The following MDM2 variants were observed in gnomAD, a reference collection of about 807,000 sequenced individuals.
MDM2 encodes the protein E3 ubiquitin-protein ligase Mdm2.
MDM2 carries 11 observed loss-of-function variants against 64.3 expected under a neutral mutation model. That is an observed-to-expected ratio of 0.17 (90% CI 0.11 to 0.28). MDM2 has a LOEUF of 0.28. Ranked by LOEUF, MDM2 falls within the 10% of genes least tolerant of loss-of-function variation. The pLI is 1.00. For synonymous variants in MDM2, 194 were observed against 192.9 expected (o/e 1.01, Z -0.05); for missense variants, 388 against 577.1 (o/e 0.67, Z 3.36).
In MDM2 at chr12:68,843,800, G is replaced by A. The variant is rs1031031567; in HGVS notation, c.*3951G>A. The A allele has an allele frequency of 9.0e-6, 2 of 221,250 alleles. No homozygotes were observed. Among genetic ancestry groups the A allele is most frequent in the Non-Finnish European group, 1.8e-5 (2 of 110,696 alleles). The allele number at this position is 221,250 out of a possible 1,614,324, so 13.7% of individuals were successfully genotyped here. ...ATTATTTGGAGTTGATAATACTTCA[G>A]CTACAACCAAGCAGAATCTCTTTTT... On this transcript the variant is annotated 3_prime_UTR_variant, in exon 11 of 11. Transcript: ENST00000258149.
At position 68,839,846 on chromosome 12, in the gene MDM2, C is replaced by G. The variant is rs757161769; in HGVS notation, c.1491C>G (p.Pro497=). The change falls in exon 11 of 11, where the codon CCC becomes CCG. Residue 497 remains proline, a synonymous_variant. Transcript: ENST00000258149. The stretch of plus-strand genomic sequence containing the variant: ...AAATGATTGTGCTAACTTATTTCCC[C>G]TAGTTGACCTGTCTATAAGAGAATT... The part of the protein sequence containing the change: ...PIQMIVLTYF[P] The G allele has an allele frequency of 1.2e-6, 2 of 1,613,524 alleles. No individual in the cohort carries two copies. The highest frequency in any genetic ancestry group is 1.1e-5 in the South Asian group (1 of 91,006).
intron 7 of MDM2, chr12:68,824,887 C>A: frequency 2.2e-6 from 1 of 451,094 alleles, no homozygotes; most frequent in Middle Eastern, 6.1e-4. Context: ...TTATAGTTAG[C>A]CAACTCTCTG....
intron 8 of MDM2, among the ~76,000 whole-genome samples, chr12:68,832,745 C>A (rs181241408): frequency 1.3e-3 from 203 of 151,842 alleles, no homozygotes; most frequent in African/African-American, 4.5e-3. Flanking sequence ...TCTCAAACCG[C>A]TGGGCTTATG....
At chr12:68,825,715 G>A (rs1280044338) in intron 7 of MDM2, among the ~76,000 whole-genome samples, 2 of 152,240 alleles carry the variant, frequency 1.3e-5, no homozygotes, top group Non-Finnish European at 2.9e-5. Flanking sequence ...AGTAGACGTA[G>A]TAGACGAGAA....
At chr12:68,816,082 G>C (rs1246523471) in intron 3 of MDM2, among the ~76,000 whole-genome samples, 1 of 152,024 alleles carries the variant, frequency 6.6e-6, no homozygotes, top group African/African-American at 2.4e-5. Flanking sequence ...TTCCTCCTCT[G>C]GTGACCTCAG....
intron 1 of MDM2, 101 bp downstream of exon 1, chr12:68,808,592 G>T: frequency 6.5e-7 from 1 of 1,546,550 alleles, no homozygotes; most frequent in Non-Finnish European, 8.8e-7. Context: ...CCTTTGTGCG[G>T]TTCGTGGCTG....
At chr12:68,849,447 C>T (rs1397789773), downstream of MDM2, 2 of 147,342 alleles carry the variant, frequency 1.4e-5, no homozygotes, top group Non-Finnish European at 3.0e-5. Context: ...GACAGTCTCT[C>T]ACTCCAGGTT....
chr12:68,815,315 A>G (rs192871397), intron 3 of MDM2, among the ~76,000 whole-genome samples: 410 of 152,162 alleles, frequency 2.7e-3, no homozygotes, highest in Non-Finnish European at 3.4e-3. Context: ...ATTGTCTGAT[A>G]TAGTTCTCAG....
rs2136166086 is a variant in MDM2 at position 68,834,734 on chromosome 12, C to A, written c.685-1095C>A. On this transcript the variant is annotated intron_variant, in intron 8 of 10. Transcript: ENST00000258149. ...CCTGGGTGATGGAGCAAGATTCCAT[C>A]TCAAAATAAATAAAATAAGTTAAAT... Among the ~76,000 whole-genome samples, 2 of 152,262 alleles carry A rather than the reference C, an allele frequency of 1.3e-5. 1 individual carries two copies. Among genetic ancestry groups the A allele is most frequent in the South Asian group, 4.1e-4 (2 of 4,828 alleles).
intron 7 of MDM2, among the ~76,000 whole-genome samples, chr12:68,827,367 ATTTC>A (rs1882429669): frequency 6.6e-6 from 1 of 151,878 alleles, no homozygotes; most frequent in Non-Finnish European, 1.5e-5. Flanking sequence ...AGTCATTTGT[ATTTC>A]TTCTGTGACT....
chr12:68,830,281 G>T (rs1439457759), intron 8 of MDM2, among the ~76,000 whole-genome samples: 1 of 152,146 alleles, frequency 6.6e-6, no homozygotes, highest in Non-Finnish European at 1.5e-5. Flanking sequence ...AGTAATCCTA[G>T]TCTTTTACCT....
intron 7 of MDM2, 176 bp downstream of exon 7, chr12:68,824,827 A>AT: frequency 3.4e-6 from 2 of 580,218 alleles, no homozygotes; most frequent in South Asian, 4.3e-5. Flanking sequence ...ATTTAGCAAT[A>AT]TTTTTCTGGC....
chr12:68,847,440 T>C (rs1386795755), downstream of MDM2: 2 of 125,404 alleles, frequency 1.6e-5, no homozygotes, highest in East Asian at 2.1e-4. Context: ...AACATCCTTT[T>C]GTATCTCCTT....
chr12:68,824,059 A>G (rs1272125868), intron 5 of MDM2: 1 of 297,332 alleles, frequency 3.4e-6, no homozygotes, highest in Non-Finnish European at 6.2e-6. Context: ...ATATTTCCTG[A>G]TTCTTTGTTT....
In MDM2 at chr12:68,812,242, A is replaced by G. The variant is rs563076720; in HGVS notation, c.100-1312A>G. ...AGAAAAATTAATAATTCAATTCTAT[A>G]TGTATTTTAAATTTTTCAATTGTTA... is the stretch of plus-strand genomic sequence containing the variant. On this transcript the variant is annotated intron_variant, in intron 2 of 10. Transcript: ENST00000258149. 6.6e-5 allele frequency among the ~76,000 whole-genome samples: 10 copies of G among 152,218 alleles called. No homozygotes were observed. The East Asian group carries it at 1.9e-3, about 29-fold the overall frequency.
rs189659738 is a variant in MDM2, at chr12:68,840,694, T to C, written c.*845T>C. ...CTAATTTTTGTATTTTTAGTAGAGA[T>C]AGGGTTTCACCATGTTGGCCAGGCT... On this transcript the variant is annotated 3_prime_UTR_variant, in exon 11 of 11. Transcript: ENST00000258149. 62 of 164,960 alleles carry C rather than the reference T, an allele frequency of 3.8e-4. No individual in the cohort carries two copies. The highest frequency in any genetic ancestry group is 7.2e-4 in the Admixed American group (11 of 15,196). 10.2% of individuals were successfully genotyped at this position (164,960 alleles called of 1,614,324 possible).
In MDM2 at chr12:68,840,106, GTT is replaced by G; in HGVS notation, c.*267_*268del. The G allele has an allele frequency of 6.0e-6, 2 of 335,742 alleles. No homozygotes were observed. Among genetic ancestry groups the G allele is most frequent in the Non-Finnish European group, 5.3e-6 (1 of 187,952 alleles). 20.8% of individuals were successfully genotyped at this position (335,742 alleles called of 1,614,324 possible). ...CTCTGTCTTAAATGAGAAGTACTTG[GTT>G]TTTTTTTTTCTTAAATATGTATATG... is the stretch of plus-strand genomic sequence containing the variant. On this transcript the variant is annotated 3_prime_UTR_variant, in exon 11 of 11. Transcript: ENST00000258149.
chr12:68,835,266 A>C (rs1454894312), intron 8 of MDM2, among the ~76,000 whole-genome samples: 1 of 152,236 alleles, frequency 6.6e-6, no homozygotes, highest in African/African-American at 2.4e-5. Context: ...TAAAGGTGGA[A>C]GAGCCTTTTC....
chr12:68,834,869 CT>C (rs1347167574), intron 8 of MDM2, among the ~76,000 whole-genome samples: 2 of 152,196 alleles, frequency 1.3e-5, no homozygotes, highest in Non-Finnish European at 2.9e-5. Flanking sequence ...TGCTCCTACC[CT>C]TAGCCACTGA....
Sources: gnomAD v4.1 joint callset for allele counts (sites outside exome capture counted in the v4.1 genomes callset) on GRCh38, gnomAD v4.1.1 for gene constraint, MANE v1.5 for transcripts, NCBI Gene and HGNC (gene_info 2026-07-23, HGNC 2026-07-21) for gene names.